The following EPC2 variants were observed in gnomAD, a reference collection of about 807,000 sequenced individuals.
EPC2 encodes enhancer of polycomb homolog 2.
EPC2 carries 14 observed loss-of-function variants against 92.1 expected under a neutral mutation model. That is an observed-to-expected ratio of 0.15 (90% CI 0.10 to 0.24). EPC2 has a LOEUF of 0.24. EPC2 is among the 10% of genes least tolerant of loss of function. The probability of loss-of-function intolerance (pLI) is 1.00; values close to 1 mark genes in which losing one functional copy is unlikely to be tolerated. For missense variants in EPC2, 755 were observed against 971.5 expected, an observed-to-expected ratio of 0.78 and a Z score of 2.96; for synonymous variants, 340 against 334.7, an observed-to-expected ratio of 1.02 and a Z score of -0.17.
intron 2 of EPC2, among the ~76,000 whole-genome samples, chr2:148,723,009 A>G (rs922662301): frequency 6.6e-6 from 1 of 152,160 alleles, no homozygotes; most frequent in Non-Finnish European, 1.5e-5. Context: ...AACAAGAGAC[A>G]CTGGGACCTC....
chr2:148,725,557 G>GTA (rs2105393839), intron 2 of EPC2, among the ~76,000 whole-genome samples: 1 of 152,112 alleles, frequency 6.6e-6, no homozygotes, highest in Admixed American at 6.5e-5. Flanking sequence ...ATACAATACA[G>GTA]TAATCTGTTG....
intron 1 of EPC2, among the ~76,000 whole-genome samples, chr2:148,655,323 C>G (rs1384781483): frequency 6.6e-6 from 1 of 152,054 alleles, no homozygotes. Context: ...GACATGGACT[C>G]TTTTGGCAGT....
At chr2:148,709,712 C>CT (rs1279926020) in intron 2 of EPC2, among the ~76,000 whole-genome samples, 2 of 152,294 alleles carry the variant, frequency 1.3e-5, no homozygotes, top group Admixed American at 1.3e-4. Context: ...ACCATCTGAT[C>CT]TTTGACAAAC....
At chr2:148,710,168 A>C (rs998430589) in intron 2 of EPC2, among the ~76,000 whole-genome samples, 6 of 151,568 alleles carry the variant, frequency 4.0e-5, no homozygotes, top group East Asian at 1.9e-4. Context: ...ATCAAACAAC[A>C]CCATCAAAAA....
intron 2 of EPC2, among the ~76,000 whole-genome samples, chr2:148,730,656 C>A (rs1369355888): frequency 6.6e-6 from 1 of 152,138 alleles, no homozygotes; most frequent in African/African-American, 2.4e-5. Flanking sequence ...TTTCGTGATA[C>A]TTACATCAAG....
At chr2:148,647,619 C>CTTTT (rs55731814) in intron 1 of EPC2, among the ~76,000 whole-genome samples, 7 of 63,740 alleles carry the variant, frequency 1.1e-4, no homozygotes, top group African/African-American at 4.5e-4. Context: ...GCCTTGCAGA[C>CTTTT]TTTTTTTTTT....
At chr2:148,666,580 T>C (rs1298993416) in intron 1 of EPC2, among the ~76,000 whole-genome samples, 3 of 152,250 alleles carry the variant, frequency 2.0e-5, no homozygotes, top group Non-Finnish European at 4.4e-5. Context: ...GCAGATAAAA[T>C]TACTCTGTCT....
chr2:148,777,068 C>G (rs542269392), intron 10 of EPC2, among the ~76,000 whole-genome samples: 14 of 151,940 alleles, frequency 9.2e-5, no homozygotes, highest in African/African-American at 2.2e-4. Context: ...CCATGTTGCC[C>G]AGGCTAGTCT....
chr2:148,742,908 T>G (rs1484091935), intron 2 of EPC2, among the ~76,000 whole-genome samples: 1 of 152,042 alleles, frequency 6.6e-6, no homozygotes, highest in African/African-American at 2.4e-5. Context: ...TTTAAGAAAA[T>G]CAGCCTTTTA....
intron 2 of EPC2, among the ~76,000 whole-genome samples, chr2:148,701,583 A>G (rs766260128): frequency 3.9e-5 from 6 of 152,044 alleles, no homozygotes; most frequent in Non-Finnish European, 8.8e-5. Context: ...AACAAATCCC[A>G]CTTGGTCTTG....
intron 2 of EPC2, among the ~76,000 whole-genome samples, chr2:148,703,675 T>C (rs1409397712): frequency 6.6e-6 from 1 of 152,094 alleles, no homozygotes; most frequent in Non-Finnish European, 1.5e-5. Context: ...ACTACAGCTG[T>C]GCACCACTAT....
chr2:148,710,759 C>G (rs546668263), intron 2 of EPC2, among the ~76,000 whole-genome samples: 1 of 152,264 alleles, frequency 6.6e-6, no homozygotes, highest in Non-Finnish European at 1.5e-5. Context: ...AAAAACCAAA[C>G]ACCGCATGTT....
intron 2 of EPC2, among the ~76,000 whole-genome samples, chr2:148,700,437 A>G (rs1247358763): frequency 6.6e-6 from 1 of 151,544 alleles, no homozygotes; most frequent in Non-Finnish European, 1.5e-5. Flanking sequence ...ATTTTTTTTC[A>G]TATGGGATGT....
In EPC2 at chr2:148,690,480, G is replaced by T. The variant is rs1422265666; in HGVS notation, c.313+107G>T. 3.0e-5 allele frequency: 29 copies of T among 959,798 alleles called. No individual in the cohort carries two copies. In the Admixed American group the frequency reaches 8.1e-4, roughly 27 times the overall value. 59.5% of individuals were successfully genotyped at this position (959,798 alleles called of 1,614,324 possible). ...TCTGATTTTTTAATTCATACACACT[G>T]ATTAATAGATATGTTAAACATTAAA... On this transcript the variant is annotated intron_variant, in intron 2 of 13. Transcript: ENST00000258484.
chr2:148,656,333 C>A (rs991626085), intron 1 of EPC2, among the ~76,000 whole-genome samples: 39 of 152,102 alleles, frequency 2.6e-4, no homozygotes, highest in African/African-American at 8.9e-4. Context: ...GTGCATAGGA[C>A]TTTATTTATT....
chr2:148,646,920 G>T (rs891918104), intron 1 of EPC2, among the ~76,000 whole-genome samples: 1 of 152,034 alleles, frequency 6.6e-6, no homozygotes, highest in African/African-American at 2.4e-5. Flanking sequence ...GACCAGCCTG[G>T]CCAGTATGGT....
chr2:148,659,073 T>A (rs1408084432), intron 1 of EPC2, among the ~76,000 whole-genome samples: 1 of 152,110 alleles, frequency 6.6e-6, no homozygotes, highest in African/African-American at 2.4e-5. Flanking sequence ...TGAACTGTGA[T>A]TTCTGACTGC....
At chr2:148,746,890 C>T (rs1445849629) in intron 3 of EPC2, among the ~76,000 whole-genome samples, 2 of 151,904 alleles carry the variant, frequency 1.3e-5, no homozygotes, top group Admixed American at 1.3e-4. Context: ...GCTAACAATA[C>T]ATGAGTCTTG....
intron 4 of EPC2, among the ~76,000 whole-genome samples, chr2:148,758,611 G>T (rs755147249): frequency 6.6e-6 from 1 of 152,042 alleles, no homozygotes; most frequent in Non-Finnish European, 1.5e-5. Flanking sequence ...GGCCAGGCTG[G>T]TATTGAACTC....
Sources: gnomAD v4.1 joint callset for allele counts (sites outside exome capture counted in the v4.1 genomes callset) on GRCh38, gnomAD v4.1.1 for gene constraint, MANE v1.5 for transcripts, NCBI Gene and HGNC (gene_info 2026-07-23, HGNC 2026-07-21) for gene names.